Variants in CLNK observed in about 807,000 individuals in gnomAD.
CLNK encodes the protein cytokine-dependent hematopoietic cell linker.
In CLNK, 74 loss-of-function variants were observed where a neutral mutation model predicts 68.6. The ratio of observed to expected loss-of-function variants is 1.08; its 90% CI spans 0.89 to 1.31. The LOEUF (loss-of-function observed/expected upper bound fraction) is 1.31, where lower values mean the gene tolerates loss of function less well. CLNK is among the 50% of genes most tolerant of loss of function. The probability of loss-of-function intolerance (pLI) is 0.00; values close to 1 mark genes in which losing one functional copy is unlikely to be tolerated. For synonymous variants in CLNK, 198 were observed against 172.2 expected (o/e 1.15, Z -1.17); for missense variants, 553 against 515.3 (o/e 1.07, Z -0.71).
intron 2 of CLNK, among the ~76,000 whole-genome samples, chr4:10,628,125 G>A (rs1722747362): frequency 6.6e-6 from 1 of 152,170 alleles, no homozygotes; most frequent in Non-Finnish European, 1.5e-5. Flanking sequence ...TTTTCAAAAT[G>A]TGTACCTGTT....
chr4:10,604,194 T>C (rs968326502), intron 2 of CLNK, among the ~76,000 whole-genome samples: 4 of 152,122 alleles, frequency 2.6e-5, no homozygotes, highest in African/African-American at 7.2e-5. Flanking sequence ...TTACCCCAAA[T>C]GACGAAAGAA....
intron 2 of CLNK, among the ~76,000 whole-genome samples, chr4:10,658,600 C>G (rs548429489): frequency 6.6e-6 from 1 of 152,150 alleles, no homozygotes; most frequent in South Asian, 2.1e-4. Flanking sequence ...TCCCTATCTC[C>G]CCAAAGGGTG....
chr4:10,614,845 A>G (rs1203379759), intron 2 of CLNK, among the ~76,000 whole-genome samples: 4 of 152,240 alleles, frequency 2.6e-5, no homozygotes, highest in African/African-American at 9.6e-5. Context: ...CACAGAGGTC[A>G]TCTGGTTGCT....
At chr4:10,497,048 C>T (rs1430400669) in intron 18 of CLNK, among the ~76,000 whole-genome samples, 3 of 152,222 alleles carry the variant, frequency 2.0e-5, no homozygotes, top group East Asian at 1.9e-4. Context: ...ATACCTTCAA[C>T]TGGTAATGGA....
rs1005287057 is a variant in CLNK at position 10,486,814 on chromosome 4, A to G, written c.*3653T>C. ...CATTTAATGTTGGCATCACCCCACAAGTACTCAGAAATAAGTGTTAAAATA... is the reference window on the plus strand; with the variant it reads ...CATTTAATGTTGGCATCACCCCACAGGTACTCAGAAATAAGTGTTAAAATA... On this transcript the variant is annotated 3_prime_UTR_variant, in exon 19 of 19. Transcript: ENST00000226951. 6.6e-6 allele frequency: 1 copy of G among 152,230 alleles called. No homozygotes were observed. The highest frequency in any genetic ancestry group is 2.4e-5 in the African/African-American group (1 of 41,462). The allele number at this position is 152,230 out of a possible 1,614,324, so 9.4% of individuals were successfully genotyped here.
intron 2 of CLNK, among the ~76,000 whole-genome samples, chr4:10,609,781 G>T (rs960787994): frequency 6.6e-6 from 1 of 152,172 alleles, no homozygotes; most frequent in African/African-American, 2.4e-5. Flanking sequence ...TAGTCTCAAA[G>T]AATCTCAAAG....
At chr4:10,598,612 G>A (rs1293479566) in intron 2 of CLNK, 12 of 408,070 alleles carry the variant, frequency 2.9e-5, no homozygotes, top group Non-Finnish European at 5.4e-5. Flanking sequence ...TATCATTTAG[G>A]CACTTTGCTA....
chr4:10,507,887 T>C, intron 17 of CLNK, 72 bp downstream of exon 17: 2 of 1,118,696 alleles, frequency 1.8e-6, no homozygotes, highest in South Asian at 1.4e-5. Flanking sequence ...TTGTTACGTC[T>C]TGTGACACAT....
At chr4:10,492,066 A>T (rs1435365004) in intron 18 of CLNK, among the ~76,000 whole-genome samples, 1 of 152,176 alleles carries the variant, frequency 6.6e-6, no homozygotes, top group Non-Finnish European at 1.5e-5. Flanking sequence ...CCCATGTTTC[A>T]AGACAACTTA....
intron 2 of CLNK, among the ~76,000 whole-genome samples, chr4:10,645,732 A>G (rs1560260068): frequency 6.6e-6 from 1 of 152,180 alleles, no homozygotes; most frequent in African/African-American, 2.4e-5. Flanking sequence ...GTACAAAAAT[A>G]CAGTTAGATA....
At chr4:10,558,816 A>G (rs1719779331) in intron 7 of CLNK, among the ~76,000 whole-genome samples, 1 of 152,198 alleles carries the variant, frequency 6.6e-6, no homozygotes, top group African/African-American at 2.4e-5. Flanking sequence ...CATCTATGGG[A>G]TCAGGTACAT....
chr4:10,637,780 T>C lies in CLNK; in HGVS notation c.11+30079A>G, dbSNP rs1170452357. ...CAGCTAATTTTTTTTTTTTTTGTAG[T>C]TTTAGTAGAGATGGGGTTTCACCGT... On this transcript the variant is annotated intron_variant, in intron 2 of 18. Transcript: ENST00000226951. Among the ~76,000 whole-genome samples, 3 of 147,366 alleles carry C rather than the reference T, an allele frequency of 2.0e-5. No individual in the cohort carries two copies. The East Asian group carries it at 6.0e-4, about 29-fold the overall frequency.
chr4:10,584,188 C>T (rs1310730057), intron 4 of CLNK, among the ~76,000 whole-genome samples: 2 of 152,206 alleles, frequency 1.3e-5, no homozygotes, highest in African/African-American at 4.8e-5. Flanking sequence ...GCCCAGTTCT[C>T]CCAGCTGCTG....
intron 2 of CLNK, among the ~76,000 whole-genome samples, chr4:10,644,519 C>G (rs1723434803): frequency 6.6e-6 from 1 of 152,054 alleles, no homozygotes; most frequent in South Asian, 2.1e-4. Flanking sequence ...GAAGGCAGAG[C>G]CTAGGTTTGA....
the CLNK span, among the ~76,000 whole-genome samples, chr4:10,691,529 T>A: frequency 6.6e-6 from 1 of 152,094 alleles, no homozygotes; most frequent in East Asian, 1.9e-4. Context: ...TTAAATGGCA[T>A]CCATTGCTAG....
At chr4:10,698,341 C>T in the CLNK span, among the ~76,000 whole-genome samples, 1 of 152,166 alleles carries the variant, frequency 6.6e-6, no homozygotes, top group Non-Finnish European at 1.5e-5. Context: ...AAGGTCCATA[C>T]TATAGTTGAA....
chr4:10,504,547 C>A (rs570284218), intron 17 of CLNK, among the ~76,000 whole-genome samples: 1 of 152,142 alleles, frequency 6.6e-6, no homozygotes, highest in Non-Finnish European at 1.5e-5. Flanking sequence ...AATGGAATAC[C>A]GAAAAGCCAA....
In CLNK at chr4:10,566,114, CT is replaced by C; in HGVS notation, c.186del (p.Gly63AlafsTer29). 1 of 1,613,880 alleles carries C rather than the reference CT, an allele frequency of 6.2e-7. No individual in the cohort carries two copies. Among genetic ancestry groups the C allele is most frequent in the South Asian group, 1.1e-5 (1 of 91,060 alleles). ...TCATCATAGTCATCATCACTGTGGCCTTTTGCTCCATCCAGGACTGCAGCAA... is the reference window on the plus strand; with the variant it reads ...TCATCATAGTCATCATCACTGTGGCCTTTGCTCCATCCAGGACTGCAGCAA... The part of the protein sequence containing the change: ...RNFAAVLDGA[K>X]GHSDDDYDDP... On this transcript the variant is annotated frameshift_variant, in exon 6 of 19. Coordinates refer to ENST00000226951, the MANE Select transcript of CLNK (RefSeq NM_052964.4). LOFTEE classifies it high-confidence loss of function.
At chr4:10,734,258 T>C in the CLNK span, among the ~76,000 whole-genome samples, 3 of 152,234 alleles carry the variant, frequency 2.0e-5, no homozygotes, top group Non-Finnish European at 4.4e-5. Flanking sequence ...AACCTGGGCA[T>C]TTTGTTGCAT....
Sources: gnomAD v4.1 joint callset for allele counts (sites outside exome capture counted in the v4.1 genomes callset) on GRCh38, gnomAD v4.1.1 for gene constraint, MANE v1.5 for transcripts, NCBI Gene and HGNC (gene_info 2026-07-23, HGNC 2026-07-21) for gene names.